Variants in SECISBP2 observed in about 807,000 individuals in gnomAD.
SECISBP2 encodes SECIS binding protein 2, also known as selenocysteine insertion sequence-binding protein 2.
Under a neutral mutation model 98.2 loss-of-function variants are expected in SECISBP2, and 96 were observed. The observed-to-expected ratio is 0.98, with a 90% CI of 0.83 to 1.16. SECISBP2 has a LOEUF of 1.16. Among genes scored for constraint, SECISBP2 ranks in the 50% most tolerant of loss-of-function variants. The pLI, the probability that SECISBP2 is intolerant of heterozygous loss-of-function variation, is 0.00. For missense variants in SECISBP2, 1,046 were observed against 1,022.9 expected, an observed-to-expected ratio of 1.02 and a Z score of -0.31; for synonymous variants, 407 against 370.2, an observed-to-expected ratio of 1.10 and a Z score of -1.14.
chr9:89,361,991 G>A (rs1026572635), downstream of SECISBP2: 6 of 288,354 alleles, frequency 2.1e-5, no homozygotes, highest in Admixed American at 4.4e-5. Flanking sequence ...TTAGGGGGTG[G>A]GGGCACTCTG....
At chr9:89,337,455 A>T (rs550612424) in intron 7 of SECISBP2, among the ~76,000 whole-genome samples, 2 of 152,322 alleles carry the variant, frequency 1.3e-5, no homozygotes, top group East Asian at 1.9e-4. Context: ...CTTCAGAGAA[A>T]CCTTCATTAG....
chr9:89,323,388 A>G (rs944954020), intron 2 of SECISBP2: 3 of 152,414 alleles, frequency 2.0e-5, no homozygotes, highest in Admixed American at 6.5e-5. Context: ...AGGAGACTGC[A>G]CTAGGGAAAG....
At chr9:89,325,205 G>T (rs528768100) in intron 2 of SECISBP2, 1 of 549,874 alleles carries the variant, frequency 1.8e-6, no homozygotes, top group Non-Finnish European at 3.2e-6. Flanking sequence ...TGTTTCTTAC[G>T]GACTTCCAGC....
rs77926785 is a variant in SECISBP2, at chr9:89,344,807, A to G, written c.1436-2075A>G. Among the ~76,000 whole-genome samples the G allele has an allele frequency of 1.9e-3, 285 of 152,156 alleles. 1 individual carries two copies. The highest frequency in any genetic ancestry group is 6.4e-3 in the African/African-American group (265 of 41,506). Reference sequence around the variant, plus strand: ...CATTTTCTTCCTCCCCCTTTATGCTATTGTCATATGGTACATCTAAATAGA... The same window carrying G: ...CATTTTCTTCCTCCCCCTTTATGCTGTTGTCATATGGTACATCTAAATAGA... On this transcript the variant is annotated intron_variant, in intron 10 of 16. Transcript: ENST00000375807.
the SECISBP2 span, chr9:89,367,029 C>T: frequency 1.3e-5 from 2 of 152,454 alleles, no homozygotes; most frequent in African/African-American, 2.4e-5. Context: ...CAGAAACAGA[C>T]ACGTGCTTAC....
chr9:89,330,748 T>TG (rs1244652412), intron 5 of SECISBP2, among the ~76,000 whole-genome samples: 3 of 152,246 alleles, frequency 2.0e-5, no homozygotes, highest in Non-Finnish European at 4.4e-5. Flanking sequence ...GCTGGGTTTG[T>TG]GCGGTGGCTG....
At chr9:89,356,433 T>A (rs2132073716) in intron 14 of SECISBP2, 1 of 152,330 alleles carries the variant, frequency 6.6e-6, no homozygotes, top group East Asian at 1.9e-4. Context: ...GGAGCATAGG[T>A]GCCTTTTCAT....
chr9:89,357,433 C>A lies in SECISBP2; in HGVS notation c.2136C>A (p.His712Gln). ...CAGGTGGGCTGGATGACACTTTGCA[C>A]ACAATTATTGATTATGCCTGTGAGC... ...QSKGGLDDTL[H>Q]TIIDYACEQN... The change falls in exon 15 of 17, where the codon CAC becomes CAA. Residue 712 changes from histidine to glutamine, a missense_variant. Coordinates refer to ENST00000375807, the MANE Select transcript of SECISBP2 (RefSeq NM_024077.5). The A allele has an allele frequency of 6.2e-7, 1 of 1,614,184 alleles. No homozygotes were observed. The highest frequency in any genetic ancestry group is 8.5e-7 in the Non-Finnish European group (1 of 1,180,038).
rs1183468206 is a variant in SECISBP2 at position 89,357,517 on chromosome 9, G to A, written c.2220G>A (p.Lys740=). Residue 740 remains lysine, a synonymous_variant, in exon 15 of 17, where the codon AAG becomes AAA. Transcript: ENST00000375807. ...NRKALGRSLN[K]AVPVSVVGIF... is the part of the protein sequence containing the mutation. The stretch of plus-strand genomic sequence containing the variant: ...AAGCTCTGGGGCGCAGTTTGAATAA[G>A]GCAGTTCCTGTCAGTGTGGTGGGGA... The A allele has an allele frequency of 2.7e-5, 44 of 1,614,068 alleles. No individual in the cohort carries two copies. Among genetic ancestry groups the A allele is most frequent in the Middle Eastern group, 1.7e-4 (1 of 6,060 alleles).
intron 13 of SECISBP2, 103 bp from the exon 14 acceptor site, chr9:89,350,529 T>C: frequency 9.9e-7 from 1 of 1,012,516 alleles, no homozygotes; most frequent in South Asian, 1.3e-5. Context: ...ACGTGACTTT[T>C]TGTCTGATGC....
rs145447876 is a variant in SECISBP2, at chr9:89,348,120, A to G, written c.1644A>G (p.Gln548=). The G allele has an allele frequency of 7.1e-5, 114 of 1,613,964 alleles. No homozygotes were observed. In the African/African-American group the frequency reaches 1.4e-3, roughly 20 times the overall value. ...KERQERKQRL[Q]ENAVSPAFTS... is the part of the protein sequence containing the mutation. ...GGCAAGAGAGAAAGCAGCGTCTCCAAGAAAATGCTGTGAGTCCAGCTTTTA... is the reference window on the plus strand; with the variant it reads ...GGCAAGAGAGAAAGCAGCGTCTCCAGGAAAATGCTGTGAGTCCAGCTTTTA... Residue 548 remains glutamine, a synonymous_variant, in exon 12 of 17, where the codon CAA becomes CAG. Transcript: ENST00000375807.
In SECISBP2 at chr9:89,357,554, G is replaced by C. The variant is rs777927333; in HGVS notation, c.2257G>C (p.Asp753His). Residue 753 changes from aspartate (D) to histidine (H), a missense_variant, in exon 15 of 17, where the codon GAT becomes CAT. Physicochemically the swap from Asp to His is moderately conservative, Grantham distance 81. Coordinates refer to ENST00000375807, the MANE Select transcript of SECISBP2 (RefSeq NM_024077.5). ...CAGTGTGGTGGGGATCTTCAGCTAT[G>C]ATGGGGCCCAGGTGAGTGCACAGGG... ...PVSVVGIFSY[D>H]GAQDQFHKMV... 3.1e-6 allele frequency: 5 copies of C among 1,613,638 alleles called. No individual in the cohort carries two copies. The highest frequency in any genetic ancestry group is 2.2e-5 in the East Asian group (1 of 44,896).
At chr9:89,354,704 A>G (rs769233992) in intron 14 of SECISBP2, 17 of 938,036 alleles carry the variant, frequency 1.8e-5, no homozygotes, top group Non-Finnish European at 2.2e-5. Context: ...CCAAGGGCCA[A>G]CCTGACAGGC....
Position 89,318,523 on chromosome 9 carries a change from A to G in SECISBP2, c.-54A>G, listed in dbSNP as rs1265620499. 3.3e-6 allele frequency: 5 copies of G among 1,510,570 alleles called. No individual in the cohort carries two copies. Among genetic ancestry groups the G allele is most frequent in the Non-Finnish European group, 3.5e-6 (4 of 1,132,718 alleles). The allele number at this position is 1,510,570 out of a possible 1,614,324, so 93.6% of individuals were successfully genotyped here. A position where few individuals can be genotyped will look rare whatever the true frequency, so the allele number is the denominator to read the frequency against. On this transcript the variant is annotated 5_prime_UTR_variant, in exon 1 of 17. Coordinates refer to ENST00000375807, the MANE Select transcript of SECISBP2 (RefSeq NM_024077.5). ...GCGGAAACGCTTTGTCTGTCCGGCA[A>G]GCCGACGGCCCGCTGCTGGCCTCCG...
chr9:89,363,980 G>A, downstream of SECISBP2: 6 of 1,613,922 alleles, frequency 3.7e-6, no homozygotes, highest in Non-Finnish European at 5.1e-6. Context: ...CCACCTCTGA[G>A]TCCACATTTA....
At chr9:89,349,553 G>T (rs965545975) in intron 12 of SECISBP2, among the ~76,000 whole-genome samples, 1 of 152,144 alleles carries the variant, frequency 6.6e-6, no homozygotes, top group Non-Finnish European at 1.5e-5. Flanking sequence ...TAAATTGAGG[G>T]GAGGCACACC....
At position 89,326,883 on chromosome 9, in the gene SECISBP2, G is replaced by T. The variant is rs190911164; in HGVS notation, c.574+845G>T. Among the ~76,000 whole-genome samples, 34 of 152,276 alleles carry T rather than the reference G, an allele frequency of 2.2e-4. No homozygotes were observed. In the East Asian group the frequency reaches 6.4e-3, roughly 28 times the overall value. On this transcript the variant is annotated intron_variant, in intron 4 of 16. Transcript: ENST00000375807. ...TATTTGTGTATCAAAATATAGAAAA[G>T]GTACAGCGGTGGCTCACGCCTGTAA...
chr9:89,325,894 C>G lies in SECISBP2; in HGVS notation c.433-3C>G. ...TCATGTTGCTTTTTAATCTTTCCTG[C>G]AGAAGAAAACCTATGATGAGAAAAA... On this transcript the variant is annotated splice_region_variant and splice_polypyrimidine_tract_variant and intron_variant, in intron 3 of 16. Transcript: ENST00000375807. 5.0e-6 allele frequency: 8 copies of G among 1,613,366 alleles called. No homozygotes were observed. Among genetic ancestry groups the G allele is most frequent in the Non-Finnish European group, 6.8e-6 (8 of 1,179,940 alleles).
At chr9:89,328,316 A>G (rs1001715332) in intron 4 of SECISBP2, among the ~76,000 whole-genome samples, 3 of 152,218 alleles carry the variant, frequency 2.0e-5, no homozygotes, top group Non-Finnish European at 4.4e-5. Flanking sequence ...ACCAGTAGAC[A>G]ATAGGAATTT....
Sources: allele counts gnomAD v4.1 joint callset (sites outside exome capture counted in the v4.1 genomes callset), GRCh38; gene constraint gnomAD v4.1.1; transcripts MANE v1.5; gene names NCBI Gene and HGNC (gene_info 2026-07-23, HGNC 2026-07-21).